The following GABRD variants were observed in gnomAD, a reference collection of about 807,000 sequenced individuals.
GABRD encodes gamma-aminobutyric acid type A receptor subunit delta, also known as gamma-aminobutyric acid receptor subunit delta.
In GABRD, 25 loss-of-function variants were observed where a neutral mutation model predicts 47.3. The observed-to-expected ratio is 0.53, with a 90% CI of 0.39 to 0.74. The LOEUF (loss-of-function observed/expected upper bound fraction) is 0.74. Ranked by LOEUF, GABRD falls within the 30% of genes least tolerant of loss-of-function variation. GABRD has a pLI of 0.00. For synonymous variants in GABRD, 314 were observed against 278.8 expected, an observed-to-expected ratio of 1.13 and a Z score of -1.26; for missense variants, 497 against 643.4, an observed-to-expected ratio of 0.77 and a Z score of 2.46.
chr1:2,029,352 A>C, intron 7 of GABRD, 86 bp downstream of exon 7: 1 of 1,477,896 alleles, frequency 6.8e-7, no homozygotes, highest in East Asian at 2.5e-5. Flanking sequence ...GGGGCTCAGC[A>C]CTGGCCTCTG....
intron 2 of GABRD, 99 bp downstream of exon 2, chr1:2,025,153 G>A: frequency 7.8e-7 from 1 of 1,290,104 alleles, no homozygotes; most frequent in Non-Finnish European, 1.1e-6. Flanking sequence ...TCTAGGCAAG[G>A]AAGCCTGGCT....
chr1:2,027,552 C>T (rs1190719460), intron 4 of GABRD, 25 bp from the exon 5 acceptor site: 1 of 1,605,506 alleles, frequency 6.2e-7, no homozygotes, highest in Admixed American at 1.7e-5. Context: ...CCCCCAAGGC[C>T]TCACTGCCAT....
chr1:2,025,008 C>G lies in GABRD; in HGVS notation c.135C>G (p.Asp45Glu). Residue 45 changes from aspartate (D) to glutamate (E), a missense_variant, in exon 2 of 9, where the codon GAC (aspartate) becomes GAG (glutamate). By Grantham distance (45) the Asp-to-Glu change is conservative (BLOSUM62 2). Transcript: ENST00000378585. ...NLEISWLPNLDGLIAGYARNF... is the reference protein window; with the variant it reads ...NLEISWLPNLEGLIAGYARNF... Reference sequence around the variant, plus strand: ...AGATCTCCTGGCTCCCCAACCTGGACGGGCTGATAGCCGGCTACGCCCGCA... The same window carrying G: ...AGATCTCCTGGCTCCCCAACCTGGAGGGGCTGATAGCCGGCTACGCCCGCA... The G allele has an allele frequency of 6.2e-7, 1 of 1,612,814 alleles. No homozygotes were observed. Among genetic ancestry groups the G allele is most frequent in the South Asian group, 1.1e-5 (1 of 91,088 alleles).
At chr1:2,020,926 G>A (rs1487930206) in intron 1 of GABRD, among the ~76,000 whole-genome samples, 2 of 152,190 alleles carry the variant, frequency 1.3e-5, no homozygotes, top group Non-Finnish European at 1.5e-5. Flanking sequence ...TCTTCAGGCC[G>A]CCCCCAGCCA....
Position 2,021,497 on chromosome 1 carries a change from C to A in GABRD, c.68+2006C>A, listed in dbSNP as rs569988458. Among the ~76,000 whole-genome samples, 43 of 152,334 alleles carry A rather than the reference C, an allele frequency of 2.8e-4. 1 individual carries two copies. In the East Asian group the frequency reaches 6.6e-3, roughly 23 times the overall value. On this transcript the variant is annotated intron_variant, in intron 1 of 8. Coordinates refer to ENST00000378585, the MANE Select transcript of GABRD (RefSeq NM_000815.5). ...GAGCTGTATTGGACGTCAGTGGGAC[C>A]CATTCTGGCCATTACCCCAGGTCCC...
Position 2,030,078 on chromosome 1 carries a change from G to T in GABRD, c.1155G>T (p.Gly385=), listed in dbSNP as rs1214293994. ...AISRRQRRVP[G]NLMGSYRSVG... Reference sequence around the variant, plus strand: ...CCCGCCGGCAGCGCCGCGTCCCGGGGAACCTGATGGGCTCCTACAGGTCGG... The same window carrying T: ...CCCGCCGGCAGCGCCGCGTCCCGGGTAACCTGATGGGCTCCTACAGGTCGG... The change falls in exon 9 of 9, where the codon GGG becomes GGT. Residue 385 remains glycine (G), a synonymous_variant. Coordinates refer to ENST00000378585, the MANE Select transcript of GABRD (RefSeq NM_000815.5). 1 of 1,607,788 alleles carries T rather than the reference G, an allele frequency of 6.2e-7. No homozygotes were observed. The highest frequency in any genetic ancestry group is 1.3e-5 in the African/African-American group (1 of 74,812).
chr1:2,025,183 C>A, intron 2 of GABRD, 129 bp downstream of exon 2: 1 of 1,253,636 alleles, frequency 8.0e-7, no homozygotes, highest in Middle Eastern at 2.4e-4. Flanking sequence ...GGGGCTCCAT[C>A]AGAGCCAGGC....
Position 2,030,312 on chromosome 1 carries a change from C to G in GABRD, c.*30C>G, listed in dbSNP as rs1436056041. 4 of 1,475,986 alleles carry G rather than the reference C, an allele frequency of 2.7e-6. No individual in the cohort carries two copies. The highest frequency in any genetic ancestry group is 2.5e-5 in the Admixed American group (1 of 39,536). 91.4% of individuals were successfully genotyped at this position (1,475,986 alleles called of 1,614,324 possible). A position where few individuals can be genotyped will look rare whatever the true frequency, so the allele number is the denominator to read the frequency against. ...AGGACTCAGGCCACCCTCGCTTGTC[C>G]TGGCGCCCGGCGGCAGCTGCCCAGA... On this transcript the variant is annotated 3_prime_UTR_variant, in exon 9 of 9. Coordinates refer to ENST00000378585, the MANE Select transcript of GABRD (RefSeq NM_000815.5).
chr1:2,024,051 C>T (rs1251815270), intron 1 of GABRD: 1 of 152,410 alleles, frequency 6.6e-6, no homozygotes, highest in Non-Finnish European at 1.5e-5. Context: ...CTCTTCTCTT[C>T]TAAGGACACC....
chr1:2,028,950 CCT>C lies in GABRD; in HGVS notation c.692-160_692-159del. On this transcript the variant is annotated intron_variant, in intron 6 of 8. Transcript: ENST00000378585. The surrounding 1 kb of genome is among the most constrained non-coding windows in gnomAD (Gnocchi z 6.4). ...TGGCCAGACCTAGGGCCGGAGGCCC[CCT>C]GACATTTCAGGCCATGTGGTTGGTG... The C allele has an allele frequency of 1.1e-6, 1 of 876,206 alleles. No homozygotes were observed. Among genetic ancestry groups the C allele is most frequent in the Non-Finnish European group, 1.7e-6 (1 of 584,036 alleles). 54.3% of individuals were successfully genotyped at this position (876,206 alleles called of 1,614,324 possible).
rs775553938 is a variant in GABRD, at chr1:2,029,279, G to A, written c.847+13G>A. 4.5e-6 allele frequency: 7 copies of A among 1,549,162 alleles called. No individual in the cohort carries two copies. The highest frequency in any genetic ancestry group is 1.7e-4 in the Middle Eastern group (1 of 5,982). On this transcript the variant is annotated intron_variant, in intron 7 of 8. Coordinates refer to ENST00000378585, the MANE Select transcript of GABRD (RefSeq NM_000815.5). Reference sequence around the variant, plus strand: ...AGGGTGTCTCTAGGTACGGGGCCTCGCCGCTGCTCCGAGGGAGCTGGAAGG... The same window carrying A: ...AGGGTGTCTCTAGGTACGGGGCCTCACCGCTGCTCCGAGGGAGCTGGAAGG...
Position 2,024,899 on chromosome 1 carries a change from A to G in GABRD, c.69-43A>G, listed in dbSNP as rs775141218. ...AAGGGACCCAGGCTCAGTGGAATTA[A>G]ATTAAGTCCTGGCCTGTCTGACCGG... On this transcript the variant is annotated intron_variant, in intron 1 of 8. Coordinates refer to ENST00000378585, the MANE Select transcript of GABRD (RefSeq NM_000815.5). 4.0e-5 allele frequency: 57 copies of G among 1,439,416 alleles called. No individual in the cohort carries two copies. In the East Asian group the frequency reaches 8.0e-4, roughly 20 times the overall value. The allele number at this position is 1,439,416 out of a possible 1,614,324, so 89.2% of individuals were successfully genotyped here.
At position 2,019,380 on chromosome 1, in the gene GABRD, G is replaced by A; in HGVS notation, c.-44G>A. On this transcript the variant is annotated 5_prime_UTR_variant, in exon 1 of 9. Transcript: ENST00000378585. ...CGCCTGTGCCGCCTGTGCGGCCGCC[G>A]GGAGCCAAGTTTGCGCGGACCCCGT... 2.9e-6 allele frequency: 3 copies of A among 1,019,566 alleles called. No individual in the cohort carries two copies. Among genetic ancestry groups the A allele is most frequent in the Non-Finnish European group, 3.5e-6 (3 of 852,130 alleles). The allele number at this position is 1,019,566 out of a possible 1,614,324, so 63.2% of individuals were successfully genotyped here. A position where few individuals can be genotyped will look rare whatever the true frequency, so the allele number is the denominator to read the frequency against.
At position 2,025,063 on chromosome 1, in the gene GABRD, C is replaced by A; in HGVS notation, c.181+9C>A. 1 of 1,603,704 alleles carries A rather than the reference C, an allele frequency of 6.2e-7. No individual in the cohort carries two copies. On this transcript the variant is annotated intron_variant, in intron 2 of 8. Coordinates refer to ENST00000378585, the MANE Select transcript of GABRD (RefSeq NM_000815.5). The stretch of plus-strand genomic sequence containing the variant: ...CCGGCCTGGCATCGGAGGTGAGGGG[C>A]GGTCCAGGCCCGGCAGGCAGGAGCC...
rs1170183684 is a variant in GABRD at position 2,029,816 on chromosome 1, C to T, written c.1059+54C>T. Reference sequence around the variant, plus strand: ...GCACTGCTGGGGGCCCCAACCAGGACCCTTCAGCTGCCCCAGCCCACTGTG... The same window carrying T: ...GCACTGCTGGGGGCCCCAACCAGGATCCTTCAGCTGCCCCAGCCCACTGTG... On this transcript the variant is annotated intron_variant, in intron 8 of 8. Transcript: ENST00000378585. The T allele has an allele frequency of 2.0e-6, 3 of 1,538,320 alleles. No individual in the cohort carries two copies. In the African/African-American group the frequency reaches 4.1e-5, roughly 21 times the overall value.
chr1:2,029,187 G>T lies in GABRD; in HGVS notation c.768G>T (p.Met256Ile). The T allele has an allele frequency of 6.4e-7, 1 of 1,562,786 alleles. No homozygotes were observed. Residue 256 changes from methionine to isoleucine, a missense_variant, in exon 7 of 9, where the codon ATG (methionine) becomes ATT (isoleucine). By Grantham distance (10) the Met-to-Ile change is conservative (BLOSUM62 1). Coordinates refer to ENST00000378585, the MANE Select transcript of GABRD (RefSeq NM_000815.5). ...NRGVYIIQSYMPSVLLVAMSW... is the reference protein window; with the variant it reads ...NRGVYIIQSYIPSVLLVAMSW... ...GCGTGTACATCATCCAATCCTACATGCCCTCCGTCCTGCTGGTCGCCATGT... is the reference window on the plus strand; with the variant it reads ...GCGTGTACATCATCCAATCCTACATTCCCTCCGTCCTGCTGGTCGCCATGT...
rs960420260 is a variant in GABRD at position 2,028,135 on chromosome 1, C to G, written c.554-20C>G. On this transcript the variant is annotated intron_variant, in intron 5 of 8. Coordinates refer to ENST00000378585, the MANE Select transcript of GABRD (RefSeq NM_000815.5). This position sits in a 1 kb window ranked among gnomAD's most constrained non-coding sequence, Gnocchi z 6.4. ...GGGCAGGGCCGGGCTCTGCCGCCCA[C>G]CTGTGTGCTTTTCCTCCAGACGGTT... The G allele has an allele frequency of 6.2e-7, 1 of 1,601,220 alleles. No homozygotes were observed. Among genetic ancestry groups the G allele is most frequent in the Non-Finnish European group, 8.5e-7 (1 of 1,171,508 alleles).
intron 1 of GABRD, chr1:2,023,767 C>A (rs754627218): frequency 6.6e-6 from 1 of 152,216 alleles, no homozygotes. Context: ...AAGGCCCCAC[C>A]CCTGGGACCA....
At chr1:2,019,524 G>A in intron 1 of GABRD, 33 bp downstream of exon 1, 8 of 1,086,574 alleles carry the variant, frequency 7.4e-6, no homozygotes, top group Non-Finnish European at 9.0e-6. Context: ...GCGCGGGGTC[G>A]GGGGCGGTGG....
Sources: gnomAD v4.1 joint callset for allele counts (sites outside exome capture counted in the v4.1 genomes callset) on GRCh38, gnomAD v4.1.1 for gene constraint, Gnocchi (gnomAD v3.1) non-coding constraint, MANE v1.5 for transcripts, NCBI Gene and HGNC (gene_info 2026-07-23, HGNC 2026-07-21) for gene names.